GIGYF2: variants seen among roughly 807,000 people sequenced by gnomAD.
The protein encoded by GIGYF2 is GRB10-interacting GYF protein 2.
A neutral mutation model predicts 208.1 loss-of-function variants in GIGYF2; 25 were observed. The ratio of observed to expected loss-of-function variants is 0.12; its 90% CI spans 0.09 to 0.17. The LOEUF is 0.17. GIGYF2 is among the 10% of genes least tolerant of loss of function. The pLI is 1.00. For missense variants in GIGYF2, 1,302 were observed against 1,579.4 expected, an observed-to-expected ratio of 0.82 and a Z score of 2.98; for synonymous variants, 534 against 543.8, an observed-to-expected ratio of 0.98 and a Z score of 0.25.
intron 8 of GIGYF2, chr2:232,776,531 C>A: frequency 1.0e-6 from 1 of 981,966 alleles, no homozygotes; most frequent in Non-Finnish European, 1.6e-6. Context: ...TAATTTTAAT[C>A]TACAAGTCTA....
intron 4 of GIGYF2, among the ~76,000 whole-genome samples, chr2:232,748,575 A>G (rs932485270): frequency 6.6e-5 from 10 of 152,184 alleles, no homozygotes; most frequent in African/African-American, 2.4e-4. Flanking sequence ...GTGAGCCACA[A>G]TGCCCCACCT....
chr2:232,744,644 AC>A (rs1698084256), intron 3 of GIGYF2, among the ~76,000 whole-genome samples: 1 of 150,502 alleles, frequency 6.6e-6, no homozygotes, highest in African/African-American at 2.5e-5. Flanking sequence ...CAGTCCTCCC[AC>A]CTCAGCCTCC....
chr2:232,750,242 T>TTATTC (rs1297189283), intron 5 of GIGYF2, among the ~76,000 whole-genome samples: 1 of 151,922 alleles, frequency 6.6e-6, no homozygotes, highest in Non-Finnish European at 1.5e-5. Flanking sequence ...TTCTGTACAC[T>TTATTC]TGGTACAAAA....
chr2:232,799,205 A>G (rs1700316208), intron 14 of GIGYF2, among the ~76,000 whole-genome samples: 1 of 151,814 alleles, frequency 6.6e-6, no homozygotes, highest in Non-Finnish European at 1.5e-5. Context: ...CATTTCATCT[A>G]TTGATGGACA....
At chr2:232,809,592 G>T in intron 15 of GIGYF2, 128 bp from the exon 16 acceptor site, 1 of 692,408 alleles carries the variant, frequency 1.4e-6, no homozygotes, top group East Asian at 2.7e-5. Context: ...CAAGTGTTTG[G>T]GTAAAAGGGT....
At chr2:232,776,403 T>C (rs1356785045) in intron 8 of GIGYF2, 11 of 1,550,616 alleles carry the variant, frequency 7.1e-6, no homozygotes, top group Admixed American at 5.2e-5. Flanking sequence ...TTTCCCTGTT[T>C]CCCATAAGGA....
At chr2:232,730,082 T>C in intron 2 of GIGYF2, 1 of 1,192,678 alleles carries the variant, frequency 8.4e-7, no homozygotes, top group Non-Finnish European at 1.2e-6. Context: ...CAGATGCTGC[T>C]TCAAATACTG....
chr2:232,787,501 A>G (rs1003814071), intron 9 of GIGYF2, among the ~76,000 whole-genome samples, 172 bp downstream of exon 9: 4 of 152,182 alleles, frequency 2.6e-5, no homozygotes, highest in African/African-American at 9.7e-5. Context: ...AAAATTTCCT[A>G]CATCTATTCA....
intron 28 of GIGYF2, among the ~76,000 whole-genome samples, chr2:232,856,404 G>T (rs1690573194): frequency 6.6e-6 from 1 of 152,094 alleles, no homozygotes. Flanking sequence ...AAAAACAAAA[G>T]ACTGGCCAGG....
intron 2 of GIGYF2, among the ~76,000 whole-genome samples, chr2:232,711,705 G>GTGTATATATATATATATATA (rs147184549): frequency 2.1e-4 from 24 of 115,768 alleles, no homozygotes; most frequent in Non-Finnish European, 3.3e-4. Flanking sequence ...TCACAATGAT[G>GTGTATATATATATATATATA]TATATATATA....
At position 232,857,021 on chromosome 2, in the gene GIGYF2, C is replaced by A; in HGVS notation, c.*161C>A. ...CTTCTGGCCCTTTGTGTCCAAGATT[C>A]TTTAATCCATTTTTGTTGGTGAACA... is the stretch of plus-strand genomic sequence containing the variant. On this transcript the variant is annotated 3_prime_UTR_variant, in exon 29 of 29. Coordinates refer to ENST00000373563, the MANE Select transcript of GIGYF2 (RefSeq NM_001103146.3). 1 of 688,922 alleles carries A rather than the reference C, an allele frequency of 1.5e-6. No homozygotes were observed. Among genetic ancestry groups the A allele is most frequent in the South Asian group, 1.5e-5 (1 of 64,946 alleles). 42.7% of individuals were successfully genotyped at this position (688,922 alleles called of 1,614,324 possible).
rs907680623 is a variant in GIGYF2 at position 232,860,038 on chromosome 2, G to C, written c.*3178G>C. The C allele has an allele frequency of 6.6e-6, 1 of 152,214 alleles. No individual in the cohort carries two copies. The highest frequency in any genetic ancestry group is 6.5e-5 in the Admixed American group (1 of 15,286). 9.4% of individuals were successfully genotyped at this position (152,214 alleles called of 1,614,324 possible). A position where few individuals can be genotyped will look rare whatever the true frequency, so the allele number is the denominator to read the frequency against. On this transcript the variant is annotated 3_prime_UTR_variant, in exon 29 of 29. Coordinates refer to ENST00000373563, the MANE Select transcript of GIGYF2 (RefSeq NM_001103146.3). ...CCGCCTTGATGAAAGGAGTGACAAGGTCACATTGGAGAAGAGCTTGTGGGG... is the reference window on the plus strand; with the variant it reads ...CCGCCTTGATGAAAGGAGTGACAAGCTCACATTGGAGAAGAGCTTGTGGGG...
intron 23 of GIGYF2, among the ~76,000 whole-genome samples, chr2:232,843,769 G>A (rs1007571224): frequency 5.8e-4 from 89 of 152,178 alleles, no homozygotes; most frequent in Admixed American, 9.8e-4. Context: ...GGAGGTTCCA[G>A]TGGGCTGAGA....
chr2:232,723,330 C>T (rs931474713), intron 2 of GIGYF2, among the ~76,000 whole-genome samples: 2 of 152,054 alleles, frequency 1.3e-5, no homozygotes, highest in African/African-American at 4.8e-5. Flanking sequence ...CCTTTTGACT[C>T]TGCTAGTAAC....
At chr2:232,763,738 G>C (rs1184847953) in intron 8 of GIGYF2, among the ~76,000 whole-genome samples, 2 of 152,064 alleles carry the variant, frequency 1.3e-5, no homozygotes, top group African/African-American at 4.8e-5. Context: ...GACTGAGGCA[G>C]GGGAATCGCT....
chr2:232,709,537 G>A (rs566609655), intron 2 of GIGYF2, among the ~76,000 whole-genome samples: 4 of 152,230 alleles, frequency 2.6e-5, no homozygotes, highest in East Asian at 1.9e-4. Flanking sequence ...GAGGCCGGGC[G>A]CGGTGGCTCT....
chr2:232,797,401 C>T (rs1320648164), intron 14 of GIGYF2, among the ~76,000 whole-genome samples: 1 of 151,882 alleles, frequency 6.6e-6, no homozygotes, highest in Non-Finnish European at 1.5e-5. Context: ...CTTACCCTGC[C>T]TATTCTCCTT....
chr2:232,713,080 C>T (rs371384261), intron 2 of GIGYF2, among the ~76,000 whole-genome samples: 6 of 146,526 alleles, frequency 4.1e-5, no homozygotes, highest in Non-Finnish European at 9.0e-5. Context: ...GAAAAAACTT[C>T]TTTTTTTTTT....
At position 232,761,396 on chromosome 2, in the gene GIGYF2, G is replaced by A. The variant is rs773653503; in HGVS notation, c.492G>A (p.Arg164=). ...TTGAAACTTATTTTTTCTTTTCCAG[G>A]GGTGACAGACGTTTTGAAAAACCAG... The part of the protein sequence containing the change: ...EMHRSQSWEE[R]GDRRFEKPGR... The change falls in exon 8 of 29, where the codon AGG becomes AGA. Residue 164 remains arginine (R), a splice_region_variant and synonymous_variant. Coordinates refer to ENST00000373563, the MANE Select transcript of GIGYF2 (RefSeq NM_001103146.3). 4 of 1,600,408 alleles carry A rather than the reference G, an allele frequency of 2.5e-6. No homozygotes were observed. In the Admixed American group the frequency reaches 5.0e-5, roughly 20 times the overall value.
Sources: gnomAD v4.1 joint callset for allele counts (sites outside exome capture counted in the v4.1 genomes callset) on GRCh38, gnomAD v4.1.1 for gene constraint, MANE v1.5 for transcripts, NCBI Gene and HGNC (gene_info 2026-07-23, HGNC 2026-07-21) for gene names.